Variants in ESRRG observed in about 807,000 individuals in gnomAD.
ESRRG encodes the protein estrogen related receptor gamma.
A neutral mutation model predicts 44.0 loss-of-function variants in ESRRG; 13 were observed. That is an observed-to-expected ratio of 0.30 (90% confidence interval 0.19 to 0.47). ESRRG has a LOEUF of 0.47. Ranked by LOEUF, ESRRG falls within the 20% of genes least tolerant of loss-of-function variation. The pLI is 1.00. For synonymous variants in ESRRG, 215 were observed against 214.6 expected, an observed-to-expected ratio of 1.00 and a Z score of -0.02; for missense variants, 395 against 580.6, an observed-to-expected ratio of 0.68 and a Z score of 3.29.
intron 2 of ESRRG, among the ~76,000 whole-genome samples, chr1:216,868,079 C>CTTTTTTT (rs58738849): frequency 2.0e-4 from 16 of 78,362 alleles, no homozygotes; most frequent in Non-Finnish European, 2.9e-4. Flanking sequence ...TATATTGATC[C>CTTTTTTT]TTTTTTTTTT....
At chr1:216,808,154 AT>A (rs1384426755) in intron 2 of ESRRG, among the ~76,000 whole-genome samples, 1 of 152,106 alleles carries the variant, frequency 6.6e-6, no homozygotes, top group East Asian at 1.9e-4. Flanking sequence ...CTTTGATGGA[AT>A]TTGGAGAAAC....
At chr1:216,612,760 G>C (rs1247231852) in intron 3 of ESRRG, among the ~76,000 whole-genome samples, 1 of 152,118 alleles carries the variant, frequency 6.6e-6, no homozygotes, top group Non-Finnish European at 1.5e-5. Flanking sequence ...TAACCTAAAA[G>C]CTCAGTGATG....
chr1:216,893,492 C>T (rs2058055961), intron 2 of ESRRG, among the ~76,000 whole-genome samples: 1 of 152,086 alleles, frequency 6.6e-6, no homozygotes, highest in Non-Finnish European at 1.5e-5. Flanking sequence ...AATTATGTTG[C>T]TATTAAAGAA....
At chr1:216,849,037 C>G (rs1003650848) in intron 2 of ESRRG, among the ~76,000 whole-genome samples, 2 of 151,752 alleles carry the variant, frequency 1.3e-5, no homozygotes, top group African/African-American at 4.8e-5. Flanking sequence ...TTCTGAATAC[C>G]AATATAAAAA....
intron 2 of ESRRG, among the ~76,000 whole-genome samples, chr1:216,820,541 G>A (rs1281479785): frequency 6.6e-6 from 1 of 151,980 alleles, no homozygotes; most frequent in Non-Finnish European, 1.5e-5. Flanking sequence ...TCCCATGCCA[G>A]TAAGCCTTTC....
At chr1:216,857,363 A>G (rs1441365520) in intron 2 of ESRRG, among the ~76,000 whole-genome samples, 13 of 134,476 alleles carry the variant, frequency 9.7e-5, no homozygotes, top group African/African-American at 2.2e-4. Context: ...ACCCTTTGGG[A>G]AAAAAAAAAA....
chr1:216,784,852 T>A (rs1216354586), intron 2 of ESRRG, among the ~76,000 whole-genome samples: 2 of 152,082 alleles, frequency 1.3e-5, no homozygotes, highest in Non-Finnish European at 2.9e-5. Context: ...GAGCACTGAA[T>A]TATTCATGCA....
chr1:216,853,311 C>A (rs2095868714), intron 2 of ESRRG, among the ~76,000 whole-genome samples: 4 of 152,194 alleles, frequency 2.6e-5, no homozygotes, highest in Admixed American at 1.3e-4. Context: ...TTTTCACATG[C>A]TGCCAGTTCG....
intron 2 of ESRRG, chr1:216,862,124 A>G (rs962575077): frequency 2.6e-5 from 4 of 152,182 alleles, no homozygotes; most frequent in African/African-American, 9.7e-5. Context: ...ACAGCTTGAC[A>G]GTTTTCTGAA....
chr1:216,651,677 C>G (rs1041986947), intron 2 of ESRRG, among the ~76,000 whole-genome samples: 2 of 152,114 alleles, frequency 1.3e-5, no homozygotes, highest in African/African-American at 4.8e-5. Context: ...GCTTACTGAT[C>G]ATGGTGATGA....
chr1:216,643,191 G>A (rs1254691682), intron 3 of ESRRG, among the ~76,000 whole-genome samples: 1 of 152,184 alleles, frequency 6.6e-6, no homozygotes, highest in Non-Finnish European at 1.5e-5. Flanking sequence ...TTGGAGAGAT[G>A]TAATGGCAGT....
chr1:216,580,209 A>G (rs1431645217), intron 3 of ESRRG, among the ~76,000 whole-genome samples: 1 of 152,228 alleles, frequency 6.6e-6, no homozygotes, highest in Non-Finnish European at 1.5e-5. Context: ...CTTTACAGCC[A>G]TGCACTATGA....
At chr1:217,119,041 A>AGAT (rs2092781226) in intron 1 of ESRRG, among the ~76,000 whole-genome samples, 1 of 151,534 alleles carries the variant, frequency 6.6e-6, no homozygotes, top group South Asian at 2.1e-4. Flanking sequence ...ATAGATAGAT[A>AGAT]GATAGATAGA....
intron 5 of ESRRG, among the ~76,000 whole-genome samples, chr1:216,542,072 C>CAGAGAGAGAG (rs3040899): frequency 0.035 from 4,845 of 139,800 alleles, 120 homozygotes; most frequent in Middle Eastern, 0.055. Flanking sequence ...GTGTCTATGA[C>CAGAGAGAGAG]AGAGAGAGAG....
rs187534666 is a variant in ESRRG, at chr1:217,034,937, C to T, written c.-106+54570G>A. Among the ~76,000 whole-genome samples, 22 of 152,226 alleles carry T rather than the reference C, an allele frequency of 1.4e-4. No individual in the cohort carries two copies. In the East Asian group the frequency reaches 3.9e-3, roughly 27 times the overall value. Reference sequence around the variant, plus strand: ...GCATGGAAAAACATGGAAAATAACGCCTTCTAGGTATCTATATGTTACTTT... The same window carrying T: ...GCATGGAAAAACATGGAAAATAACGTCTTCTAGGTATCTATATGTTACTTT... On this transcript the variant is annotated intron_variant, in intron 1 of 7. Coordinates refer to the ESRRG transcript ENST00000359162.
At chr1:216,857,532 T>C (rs1423105335) in intron 2 of ESRRG, among the ~76,000 whole-genome samples, 1 of 151,952 alleles carries the variant, frequency 6.6e-6, no homozygotes. Flanking sequence ...CCACATACTA[T>C]CATATTTAAA....
chr1:216,572,871 C>A (rs988140467), intron 3 of ESRRG, among the ~76,000 whole-genome samples: 4 of 151,938 alleles, frequency 2.6e-5, no homozygotes, highest in Non-Finnish European at 4.4e-5. Flanking sequence ...TATCACCATT[C>A]CCTGGACATA....
intron 2 of ESRRG, among the ~76,000 whole-genome samples, chr1:216,918,753 T>C (rs1046703948): frequency 4.5e-4 from 68 of 151,100 alleles, no homozygotes; most frequent in Non-Finnish European, 5.2e-4. Flanking sequence ...TAAAAAAATT[T>C]ATAAAAGTCA....
chr1:216,802,270 C>T (rs1176398118), intron 2 of ESRRG, among the ~76,000 whole-genome samples: 2 of 152,032 alleles, frequency 1.3e-5, no homozygotes, highest in Admixed American at 6.6e-5. Flanking sequence ...CAATGCACAT[C>T]TTCCCAAGAA....
Sources: allele counts gnomAD v4.1 joint callset (sites outside exome capture counted in the v4.1 genomes callset), GRCh38; gene constraint gnomAD v4.1.1; transcripts MANE v1.5; gene names NCBI Gene and HGNC (gene_info 2026-07-23, HGNC 2026-07-21).